CPPED1: variants seen among roughly 807,000 people sequenced by gnomAD.
CPPED1 encodes calcineurin like phosphoesterase domain containing 1.
A neutral mutation model predicts 28.0 loss-of-function variants in CPPED1; 28 were observed. The ratio of observed to expected loss-of-function variants is 1.00; its 90% CI spans 0.74 to 1.37. The LOEUF is 1.37. Among genes scored for constraint, CPPED1 ranks in the 40% most tolerant of loss-of-function variants. The pLI, the probability that CPPED1 is intolerant of heterozygous loss-of-function variation, is 0.00. For missense variants in CPPED1, 504 were observed against 416.5 expected (o/e 1.21, Z -1.83); for synonymous variants, 198 against 180.2 (o/e 1.10, Z -0.79).
chr16:12,677,079 A>T (rs921423575), intron 3 of CPPED1, among the ~76,000 whole-genome samples: 1 of 152,218 alleles, frequency 6.6e-6, no homozygotes, highest in African/African-American at 2.4e-5. Flanking sequence ...TCTAGGAAGC[A>T]GCAGGCACCA....
intron 1 of CPPED1, among the ~76,000 whole-genome samples, chr16:12,795,920 C>A (rs2080624984): frequency 6.6e-6 from 1 of 151,622 alleles, no homozygotes; most frequent in African/African-American, 2.4e-5. Flanking sequence ...CCCATCTCTA[C>A]CAAAACACAA....
intron 3 of CPPED1, among the ~76,000 whole-genome samples, chr16:12,687,422 C>A (rs1168552821): frequency 6.6e-6 from 1 of 152,156 alleles, no homozygotes; most frequent in African/African-American, 2.4e-5. Flanking sequence ...CAATGTGCAC[C>A]TTCTTGGGAT....
intron 3 of CPPED1, among the ~76,000 whole-genome samples, chr16:12,689,678 G>A (rs8054612): frequency 0.38 from 58,216 of 151,986 alleles, 16,068 homozygotes; most frequent in African/African-American, 0.79. Context: ...AAAGCCGAAG[G>A]AAACGACACT....
intron 2 of CPPED1, among the ~76,000 whole-genome samples, chr16:12,729,519 T>C (rs1006272433): frequency 4.6e-5 from 7 of 152,202 alleles, no homozygotes; most frequent in Non-Finnish European, 7.3e-5. Flanking sequence ...ATCAGAATCG[T>C]GTTGTCATCT....
At chr16:12,761,109 A>C (rs776419016) in intron 2 of CPPED1, 1 of 151,996 alleles carries the variant, frequency 6.6e-6, no homozygotes, top group African/African-American at 2.4e-5. Context: ...TTAAGTTGGC[A>C]AACAGGGGTA....
rs190970683 is a variant in CPPED1 at position 12,718,475 on chromosome 16, G to T, written c.290-13426C>A. Reference sequence around the variant, plus strand: ...GATCACTTGAACCTGGGAGGCCGAGGTTGTAGTGAGCCGAAATTGTGCCAC... The same window carrying T: ...GATCACTTGAACCTGGGAGGCCGAGTTTGTAGTGAGCCGAAATTGTGCCAC... On this transcript the variant is annotated intron_variant, in intron 2 of 3. Transcript: ENST00000381774. Among the ~76,000 whole-genome samples, 7 of 148,776 alleles carry T rather than the reference G, an allele frequency of 4.7e-5. No homozygotes were observed. The East Asian group carries it at 1.4e-3, about 30-fold the overall frequency.
At chr16:12,787,707 C>T (rs1046835295) in intron 1 of CPPED1, among the ~76,000 whole-genome samples, 4 of 152,006 alleles carry the variant, frequency 2.6e-5, no homozygotes, top group South Asian at 2.1e-4. Flanking sequence ...ACCTGGCCAG[C>T]GAATTTAACT....
At chr16:12,770,026 G>C (rs369988284) in intron 2 of CPPED1, among the ~76,000 whole-genome samples, 1 of 152,098 alleles carries the variant, frequency 6.6e-6, no homozygotes, top group East Asian at 1.9e-4. Flanking sequence ...ACTTTAATAT[G>C]AACAAAACGG....
chr16:12,786,838 G>C (rs2141242226), intron 1 of CPPED1, among the ~76,000 whole-genome samples: 1 of 152,316 alleles, frequency 6.6e-6, no homozygotes, highest in Admixed American at 6.5e-5. Context: ...TCTTGAACTG[G>C]GAGGTGGAGG....
intron 1 of CPPED1, among the ~76,000 whole-genome samples, chr16:12,789,199 T>G (rs1490759990): frequency 2.0e-5 from 3 of 152,024 alleles, no homozygotes; most frequent in Admixed American, 6.5e-5. Context: ...CACATGGGGT[T>G]TGTGCTCTCA....
chr16:12,679,845 T>G (rs1017763229), intron 3 of CPPED1, among the ~76,000 whole-genome samples: 2 of 152,188 alleles, frequency 1.3e-5, no homozygotes, highest in Non-Finnish European at 2.9e-5. Flanking sequence ...TTTCCTTATC[T>G]GACTAAGGAG....
intron 3 of CPPED1, among the ~76,000 whole-genome samples, chr16:12,687,232 G>A (rs1447817032): frequency 1.3e-5 from 2 of 151,534 alleles, no homozygotes; most frequent in Non-Finnish European, 2.9e-5. Context: ...TAAAAGATAC[G>A]GTGACTACAA....
intron 3 of CPPED1, among the ~76,000 whole-genome samples, chr16:12,681,221 G>C (rs12932967): frequency 0.025 from 3,725 of 151,892 alleles, 67 homozygotes; most frequent in Non-Finnish European, 0.038. Context: ...ACAGCGTTGG[G>C]AGATGGACCT....
At chr16:12,669,101 G>C (rs2079840837) in intron 3 of CPPED1, among the ~76,000 whole-genome samples, 1 of 152,156 alleles carries the variant, frequency 6.6e-6, no homozygotes, top group African/African-American at 2.4e-5. Context: ...GTTGATGATG[G>C]ATAAACAAAA....
intron 1 of CPPED1, among the ~76,000 whole-genome samples, chr16:12,786,051 G>A (rs555016945): frequency 2.6e-5 from 4 of 152,164 alleles, no homozygotes; most frequent in South Asian, 2.1e-4. Flanking sequence ...GCTAATTAAC[G>A]AGGAGAACTA....
At chr16:12,734,588 C>G (rs1343348180) in intron 2 of CPPED1, among the ~76,000 whole-genome samples, 1 of 152,054 alleles carries the variant, frequency 6.6e-6, no homozygotes, top group African/African-American at 2.4e-5. Context: ...ACCGTGTTAG[C>G]CAGGATGGTC....
intron 2 of CPPED1, among the ~76,000 whole-genome samples, chr16:12,720,147 C>T (rs986359695): frequency 4.6e-5 from 7 of 152,112 alleles, no homozygotes; most frequent in South Asian, 2.1e-4. Flanking sequence ...CCTGTCTTCC[C>T]GAGAGAGATA....
intron 3 of CPPED1, among the ~76,000 whole-genome samples, chr16:12,690,944 G>T (rs920048564): frequency 1.1e-4 from 16 of 152,302 alleles, no homozygotes; most frequent in Middle Eastern, 3.4e-3. Flanking sequence ...GGTGAAGAAT[G>T]GGCAGGAGGG....
At chr16:12,727,176 G>A (rs1250185273) in intron 2 of CPPED1, among the ~76,000 whole-genome samples, 1 of 152,104 alleles carries the variant, frequency 6.6e-6, no homozygotes, top group Non-Finnish European at 1.5e-5. Flanking sequence ...AGTATAGAGG[G>A]GTTTTAGACA....
Sources: gnomAD v4.1 joint callset for allele counts (sites outside exome capture counted in the v4.1 genomes callset) on GRCh38, gnomAD v4.1.1 for gene constraint, MANE v1.5 for transcripts, NCBI Gene and HGNC (gene_info 2026-07-23, HGNC 2026-07-21) for gene names.